Variants in KCNMB2 observed in about 807,000 individuals in gnomAD.
The protein encoded by KCNMB2 is potassium calcium-activated channel subfamily M regulatory beta subunit 2.
KCNMB2 carries 9 observed loss-of-function variants against 24.5 expected under a neutral mutation model. That is an observed-to-expected ratio of 0.37 (90% CI 0.22 to 0.64). The LOEUF is 0.64. Among genes scored for constraint, KCNMB2 ranks in the 30% least tolerant of loss-of-function variants. The pLI is 0.63. For synonymous variants in KCNMB2, 109 were observed against 104.4 expected, an observed-to-expected ratio of 1.04 and a Z score of -0.27; for missense variants, 226 against 284.3, an observed-to-expected ratio of 0.79 and a Z score of 1.47.
intron 1 of KCNMB2, among the ~76,000 whole-genome samples, chr3:178,709,350 C>T (rs1722379860): frequency 6.6e-6 from 1 of 152,162 alleles, no homozygotes; most frequent in Admixed American, 6.6e-5. Flanking sequence ...GTGGCTAAAT[C>T]ACCTGGGCTT....
At chr3:178,711,444 C>T (rs1277588806) in intron 1 of KCNMB2, among the ~76,000 whole-genome samples, 2 of 152,108 alleles carry the variant, frequency 1.3e-5, no homozygotes, top group Non-Finnish European at 2.9e-5. Context: ...TAGCTCCAGA[C>T]AATCATTGTG....
chr3:178,550,554 G>T (rs1056477875), intron 1 of KCNMB2, among the ~76,000 whole-genome samples: 1 of 150,690 alleles, frequency 6.6e-6, no homozygotes, highest in Non-Finnish European at 1.5e-5. Flanking sequence ...GGTAGGTCAA[G>T]TTCCCAGGAG....
chr3:178,668,440 G>A (rs1234280635), intron 1 of KCNMB2, among the ~76,000 whole-genome samples: 1 of 152,044 alleles, frequency 6.6e-6, no homozygotes, highest in Non-Finnish European at 1.5e-5. Flanking sequence ...ACCCCAAGCT[G>A]TACACAATGG....
chr3:178,712,170 G>A (rs888397338), intron 1 of KCNMB2, among the ~76,000 whole-genome samples: 10 of 152,100 alleles, frequency 6.6e-5, no homozygotes, highest in African/African-American at 2.2e-4. Context: ...TGGTAGCTCC[G>A]TATCACTTTT....
chr3:178,830,677 T>G (rs1269615852), intron 4 of KCNMB2, among the ~76,000 whole-genome samples: 3 of 152,162 alleles, frequency 2.0e-5, no homozygotes, highest in Non-Finnish European at 4.4e-5. Flanking sequence ...CTCATGATTC[T>G]GATGACTAAT....
chr3:178,811,326 C>T (rs1267131541), intron 2 of KCNMB2, among the ~76,000 whole-genome samples: 1 of 152,094 alleles, frequency 6.6e-6, no homozygotes, highest in East Asian at 1.9e-4. Context: ...TATTCTACTC[C>T]CCATCAATCA....
chr3:178,588,694 C>T (rs1320288389), intron 1 of KCNMB2, among the ~76,000 whole-genome samples: 7 of 151,898 alleles, frequency 4.6e-5, no homozygotes, highest in African/African-American at 9.7e-5. Flanking sequence ...TATACATATA[C>T]GTGTATTCCT....
At chr3:178,707,719 T>G (rs367777333) in intron 1 of KCNMB2, among the ~76,000 whole-genome samples, 2 of 72,562 alleles carry the variant, frequency 2.8e-5, no homozygotes, top group African/African-American at 1.5e-4. Flanking sequence ...AATCATTAAA[T>G]GGGAGCCATT....
At chr3:178,746,323 G>A (rs1039040361) in intron 1 of KCNMB2, among the ~76,000 whole-genome samples, 1 of 152,124 alleles carries the variant, frequency 6.6e-6, no homozygotes, top group African/African-American at 2.4e-5. Context: ...GCTCTACATT[G>A]ACCCGTTTCA....
intron 1 of KCNMB2, among the ~76,000 whole-genome samples, chr3:178,571,485 T>C (rs1054535132): frequency 5.0e-5 from 7 of 140,358 alleles, no homozygotes; most frequent in African/African-American, 1.8e-4. Context: ...TATATATATA[T>C]ACTTTTTTCT....
At chr3:178,799,530 T>C (rs147408163) in intron 1 of KCNMB2, among the ~76,000 whole-genome samples, 6 of 151,016 alleles carry the variant, frequency 4.0e-5, no homozygotes, top group East Asian at 1.9e-4. Flanking sequence ...AATTGAAGAG[T>C]TCACAAAAAA....
chr3:178,759,459 CTCCAAGAGGATATATATAT>C, intron 1 of KCNMB2, among the ~76,000 whole-genome samples: 1 of 42,642 alleles, frequency 2.3e-5, no homozygotes, highest in African/African-American at 1.4e-4. Flanking sequence ...ATATATATAT[CTCCAAGAGGATATATATAT>C]ATATATATAT....
chr3:178,829,097 A>G (rs752902046), intron 4 of KCNMB2, among the ~76,000 whole-genome samples: 7 of 152,174 alleles, frequency 4.6e-5, no homozygotes, highest in Non-Finnish European at 7.3e-5. Flanking sequence ...TTACATTTAT[A>G]AGGTCTGGGA....
chr3:178,777,951 A>G (rs561726269), intron 1 of KCNMB2, among the ~76,000 whole-genome samples: 10 of 152,306 alleles, frequency 6.6e-5, no homozygotes, highest in Admixed American at 6.5e-4. Flanking sequence ...TTATTTCCCC[A>G]GCTCCATGAT....
chr3:178,549,117 T>C (rs1244541695), intron 1 of KCNMB2, among the ~76,000 whole-genome samples: 3 of 152,162 alleles, frequency 2.0e-5, no homozygotes, highest in Non-Finnish European at 4.4e-5. Flanking sequence ...TTTAAAATAA[T>C]GTTGTATACT....
At chr3:178,671,102 C>T (rs1577086045) in intron 1 of KCNMB2, among the ~76,000 whole-genome samples, 1 of 141,052 alleles carries the variant, frequency 7.1e-6, no homozygotes, top group South Asian at 2.5e-4. Context: ...CTCACCACCA[C>T]CCCCCACCCC....
At chr3:178,600,000 C>T (rs182335689) in intron 1 of KCNMB2, among the ~76,000 whole-genome samples, 1 of 152,278 alleles carries the variant, frequency 6.6e-6, no homozygotes, top group Non-Finnish European at 1.5e-5. Flanking sequence ...GCCTCAGCCT[C>T]CCAAGTAGCT....
chr3:178,544,566 GA>G (rs1715714545), intron 1 of KCNMB2, among the ~76,000 whole-genome samples: 1 of 152,180 alleles, frequency 6.6e-6, no homozygotes, highest in Admixed American at 6.5e-5. Context: ...TCTTAGGAAA[GA>G]AAGAGAAGAT....
At chr3:178,719,880 G>A (rs915399845) in intron 1 of KCNMB2, among the ~76,000 whole-genome samples, 14 of 152,022 alleles carry the variant, frequency 9.2e-5, no homozygotes, top group South Asian at 4.2e-4. Context: ...AATCTCTGCC[G>A]TTTGCCCAGT....
Sources: gnomAD v4.1 joint callset for allele counts (sites outside exome capture counted in the v4.1 genomes callset) on GRCh38, gnomAD v4.1.1 for gene constraint, MANE v1.5 for transcripts, NCBI Gene and HGNC (gene_info 2026-07-23, HGNC 2026-07-21) for gene names.